The following NAALADL2 variants were observed in gnomAD, a reference collection of about 807,000 sequenced individuals.
The protein encoded by NAALADL2 is inactive N-acetylated-alpha-linked acidic dipeptidase-like protein 2.
Under a neutral mutation model 87.2 loss-of-function variants are expected in NAALADL2, and 76 were observed. That is an observed-to-expected ratio of 0.87 (90% CI 0.72 to 1.05). The LOEUF (loss-of-function observed/expected upper bound fraction) is 1.05, where lower values mean the gene tolerates loss of function less well. Ranked by LOEUF, NAALADL2 falls within the 50% of genes least tolerant of loss-of-function variation. The pLI is 0.00. For synonymous variants in NAALADL2, 354 were observed against 331.0 expected, an observed-to-expected ratio of 1.07 and a Z score of -0.75; for missense variants, 1,089 against 945.8, an observed-to-expected ratio of 1.15 and a Z score of -1.99.
At chr3:174,896,730 C>A (rs1731581847) in intron 1 of NAALADL2, among the ~76,000 whole-genome samples, 1 of 151,932 alleles carries the variant, frequency 6.6e-6, no homozygotes, top group Admixed American at 6.6e-5. Flanking sequence ...CTCTCTTAAG[C>A]AAAAATAACG....
chr3:175,264,448 C>T (rs1249233449), intron 4 of NAALADL2, among the ~76,000 whole-genome samples: 1 of 151,714 alleles, frequency 6.6e-6, no homozygotes, highest in African/African-American at 2.4e-5. Context: ...CTCAAACATG[C>T]AAACCTAAAC....
In NAALADL2 at chr3:175,664,379, C is replaced by T. The variant is rs12107071; in HGVS notation, c.1896+36993C>T. Among the ~76,000 whole-genome samples, 786 of 152,222 alleles carry T rather than the reference C, an allele frequency of 5.2e-3. 7 individuals carry two copies. Among genetic ancestry groups the T allele is most frequent in the African/African-American group, 0.018 (752 of 41,582 alleles). On this transcript the variant is annotated intron_variant, in intron 11 of 13. Coordinates refer to ENST00000454872, the MANE Select transcript of NAALADL2 (RefSeq NM_207015.3). ...GTGTGTTGCATGTCTACTACTCTCT[C>T]TATCTATTCAAGTCAAAATTAGCTC...
At chr3:174,855,877 C>CATAGATATGAATATAT (rs1233960699), upstream of NAALADL2, among the ~76,000 whole-genome samples, 27 of 134,050 alleles carry the variant, frequency 2.0e-4, no homozygotes, top group African/African-American at 8.4e-4. Context: ...TGTATATATA[C>CATAGATATGAATATAT]ATACATATGA....
chr3:175,383,734 T>C (rs1768051649), intron 5 of NAALADL2, among the ~76,000 whole-genome samples: 2 of 152,078 alleles, frequency 1.3e-5, no homozygotes, highest in Non-Finnish European at 2.9e-5. Context: ...AGAAGTTCTT[T>C]TACTTAAGGT....
At chr3:174,784,051 C>G (rs973257133) in intron 3 of NAALADL2, among the ~76,000 whole-genome samples, 1 of 152,050 alleles carries the variant, frequency 6.6e-6, no homozygotes, top group African/African-American at 2.4e-5. Flanking sequence ...ACCACAAAAC[C>G]TATATTGAAT....
intron 3 of NAALADL2, among the ~76,000 whole-genome samples, chr3:174,821,029 A>C (rs931089144): frequency 5.9e-5 from 9 of 152,120 alleles, no homozygotes; most frequent in Non-Finnish European, 1.0e-4. Context: ...CAACATTCTC[A>C]AGTGCTTTCC....
intron 4 of NAALADL2, among the ~76,000 whole-genome samples, chr3:175,274,719 A>G (rs1380119610): frequency 6.6e-6 from 1 of 152,138 alleles, no homozygotes; most frequent in African/African-American, 2.4e-5. Context: ...AAATTAATAT[A>G]ATAATATTTT....
In NAALADL2 at chr3:175,471,221, C is replaced by T. The variant is rs150953454; in HGVS notation, c.1534-418C>T. Among the ~76,000 whole-genome samples the T allele has an allele frequency of 9.2e-5, 14 of 151,910 alleles. No individual in the cohort carries two copies. In the East Asian group the frequency reaches 2.7e-3, roughly 30 times the overall value. On this transcript the variant is annotated intron_variant, in intron 8 of 13. Coordinates refer to ENST00000454872, the MANE Select transcript of NAALADL2 (RefSeq NM_207015.3). ...GAAATTATGGCCGGGTGCGGTGGCT[C>T]ACGTCTATAATCCCAGCACTTTGGG... is the stretch of plus-strand genomic sequence containing the variant.
At chr3:175,128,915 C>T (rs1357027343) in intron 2 of NAALADL2, among the ~76,000 whole-genome samples, 2 of 151,556 alleles carry the variant, frequency 1.3e-5, no homozygotes, top group Non-Finnish European at 2.9e-5. Flanking sequence ...AGATTGTGTA[C>T]TAGTTACCAA....
At chr3:174,956,071 A>G (rs1004371948) in intron 1 of NAALADL2, among the ~76,000 whole-genome samples, 14 of 152,070 alleles carry the variant, frequency 9.2e-5, no homozygotes, top group Non-Finnish European at 2.1e-4. Context: ...AAACAAAAAC[A>G]CTAGGTTGTT....
chr3:175,259,652 A>G (rs771428824), intron 4 of NAALADL2, among the ~76,000 whole-genome samples: 1 of 152,206 alleles, frequency 6.6e-6, no homozygotes, highest in Non-Finnish European at 1.5e-5. Context: ...CTTTTCCGTT[A>G]TATTTTGCAT....
chr3:175,605,438 A>G (rs766684219), intron 10 of NAALADL2, among the ~76,000 whole-genome samples: 4 of 152,152 alleles, frequency 2.6e-5, no homozygotes, highest in Admixed American at 6.5e-5. Flanking sequence ...GGGGAAATAA[A>G]ATTATGTATT....
At chr3:174,513,360 A>G (rs923912092) in intron 1 of NAALADL2, 1 of 152,052 alleles carries the variant, frequency 6.6e-6, no homozygotes, top group African/African-American at 2.4e-5. Context: ...TTAATGATTT[A>G]TTTTTTCACC....
intron 3 of NAALADL2, among the ~76,000 whole-genome samples, chr3:174,849,722 G>T: frequency 7.8e-6 from 1 of 127,736 alleles, no homozygotes; most frequent in East Asian, 2.4e-4. Context: ...GTGACAGAGC[G>T]AGACTCTGAC....
intron 13 of NAALADL2, among the ~76,000 whole-genome samples, chr3:175,783,309 T>G (rs1394553793): frequency 6.6e-6 from 1 of 152,024 alleles, no homozygotes; most frequent in African/African-American, 2.4e-5. Context: ...TATGGCCATT[T>G]TCACGATACT....
Position 175,808,431 on chromosome 3 carries a change from C to A in NAALADL2, c.*5228C>A, listed in dbSNP as rs1754891316. ...AAATGCCAAAATCCAATCATCAAGG[C>A]CAAAGAAATGCATGATTACTCTGAT... On this transcript the variant is annotated 3_prime_UTR_variant, in exon 14 of 14. Coordinates refer to ENST00000454872, the MANE Select transcript of NAALADL2 (RefSeq NM_207015.3). The A allele has an allele frequency of 6.6e-6, 1 of 151,790 alleles. No homozygotes were observed. The highest frequency in any genetic ancestry group is 6.6e-5 in the Admixed American group (1 of 15,180). 9.4% of individuals were successfully genotyped at this position (151,790 alleles called of 1,614,324 possible).
intron 13 of NAALADL2, among the ~76,000 whole-genome samples, chr3:175,769,184 T>C (rs538525113): frequency 6.6e-6 from 1 of 152,210 alleles, no homozygotes; most frequent in Non-Finnish European, 1.5e-5. Context: ...TACTTATTAA[T>C]TCAGCAAGTA....
At chr3:175,377,123 G>C (rs1379036282) in intron 5 of NAALADL2, among the ~76,000 whole-genome samples, 1 of 151,964 alleles carries the variant, frequency 6.6e-6, no homozygotes. Flanking sequence ...ACCCTCCCTG[G>C]CCAACATGGT....
rs115078765 is a variant in NAALADL2, at chr3:174,666,177, C to T, written c.-114-71464C>T. On this transcript the variant is annotated intron_variant, in intron 2 of 3. Transcript: ENST00000434257. ...TATCTGGATATACTTACCATAGAAG[C>T]ATAAAATAGCATGTAAGTATCAGAT... Among the ~76,000 whole-genome samples, 1,357 of 152,176 alleles carry T rather than the reference C, an allele frequency of 8.9e-3. 21 individuals carry two copies. Among genetic ancestry groups the T allele is most frequent in the African/African-American group, 0.031 (1,300 of 41,546 alleles).
Sources: gnomAD v4.1 joint callset for allele counts (sites outside exome capture counted in the v4.1 genomes callset) on GRCh38, gnomAD v4.1.1 for gene constraint, MANE v1.5 for transcripts, NCBI Gene and HGNC (gene_info 2026-07-23, HGNC 2026-07-21) for gene names.